SLF1: variants seen among roughly 807,000 people sequenced by gnomAD.
SLF1 encodes SMC5/6 complex localization factor 1.
A neutral mutation model predicts 123.0 loss-of-function variants in SLF1; 105 were observed. That is an observed-to-expected ratio of 0.85 (90% CI 0.73 to 1.00). SLF1 has a LOEUF of 1.00. Ranked by LOEUF, SLF1 falls within the 50% of genes least tolerant of loss-of-function variation. SLF1 has a pLI of 0.00. For missense variants in SLF1, 1,239 were observed against 1,223.0 expected (o/e 1.01, Z -0.20); for synonymous variants, 434 against 406.6 (o/e 1.07, Z -0.81).
chr5:94,681,910 G>A (rs1751824823), intron 15 of SLF1, among the ~76,000 whole-genome samples: 1 of 152,080 alleles, frequency 6.6e-6, no homozygotes, highest in Admixed American at 6.6e-5. Flanking sequence ...CCAGCCTGGG[G>A]GACAGAGTGA....
At chr5:94,670,062 A>G in intron 12 of SLF1, 89 bp from the exon 13 acceptor site, 4 of 1,236,258 alleles carry the variant, frequency 3.2e-6, no homozygotes, top group Non-Finnish European at 4.3e-6. Flanking sequence ...TTAAAATTCC[A>G]GCAGTATTCT....
intron 20 of SLF1, among the ~76,000 whole-genome samples, chr5:94,692,552 T>G (rs566387179): frequency 1.1e-4 from 16 of 152,276 alleles, no homozygotes; most frequent in African/African-American, 1.4e-4. Context: ...ATCTTTTTCC[T>G]TCAGGTGTGT....
At chr5:94,679,428 TA>T (rs113399947) in intron 15 of SLF1, among the ~76,000 whole-genome samples, 11,226 of 146,068 alleles carry the variant, frequency 0.077, 463 homozygotes, top group South Asian at 0.12. Context: ...ACTCTGTCTT[TA>T]AAAAAAAATT....
In SLF1 at chr5:94,665,804, G is replaced by A. The variant is rs115288968; in HGVS notation, c.1369-57G>A. On this transcript the variant is annotated intron_variant, in intron 11 of 20. Coordinates refer to ENST00000265140, the MANE Select transcript of SLF1 (RefSeq NM_032290.4). ...TGTTTTGGTTTTAGACTGAATTAGA[G>A]AGTCAAACTACTTTTAGCTATAGTG... is the stretch of plus-strand genomic sequence containing the variant. 4,886 of 1,425,648 alleles carry A rather than the reference G, an allele frequency of 3.4e-3. 99 individuals are homozygous for A. The African/African-American group carries it at 0.055, about 16-fold the overall frequency. The allele number at this position is 1,425,648 out of a possible 1,614,324, so 88.3% of individuals were successfully genotyped here.
Position 94,654,731 on chromosome 5 carries a change from GA to G in SLF1, c.1136del (p.Lys379SerfsTer16). On this transcript the variant is annotated frameshift_variant, in exon 9 of 21. Transcript: ENST00000265140. LOFTEE classifies it high-confidence loss of function. ...DVVEIKNTLR[K>X]HIYRAQAVRY... ...TTGTTGAAATAAAAAATACCTTAAG[GA>G]AGCACATATATAGAGCTCAGGTAAA... 1 of 1,538,218 alleles carries G rather than the reference GA, an allele frequency of 6.5e-7. No individual in the cohort carries two copies. Among genetic ancestry groups the G allele is most frequent in the African/African-American group, 1.4e-5 (1 of 72,658 alleles).
At chr5:94,658,153 G>T (rs1439253043) in intron 9 of SLF1, among the ~76,000 whole-genome samples, 1 of 139,446 alleles carries the variant, frequency 7.2e-6, no homozygotes, top group East Asian at 2.2e-4. Flanking sequence ...TTGCAGTTGG[G>T]TGTTTTTTGT....
Position 94,688,649 on chromosome 5 carries a change from C to T in SLF1, c.2265C>T (p.Val755=), listed in dbSNP as rs772728803. 1.6e-5 allele frequency: 26 copies of T among 1,613,778 alleles called. No individual in the cohort carries two copies. The East Asian group carries it at 2.2e-4, about 14-fold the overall frequency. ...LMLNGTKQKQ[V]EGLPELLDLN... is the part of the protein sequence containing the mutation. ...TGAATGGTACTAAACAAAAACAAGTCGAAGGGCTGCCAGAGTTACTGTAAG... is the reference window on the plus strand; with the variant it reads ...TGAATGGTACTAAACAAAAACAAGTTGAAGGGCTGCCAGAGTTACTGTAAG... The change falls in exon 17 of 21, where the codon GTC becomes GTT. Residue 755 remains valine (V), a synonymous_variant. Transcript: ENST00000265140.
intron 1 of SLF1, among the ~76,000 whole-genome samples, chr5:94,619,552 A>G (rs1269347102): frequency 6.6e-6 from 1 of 152,172 alleles, no homozygotes; most frequent in Non-Finnish European, 1.5e-5. Context: ...CAGGAGTTAG[A>G]TGGAGCTTGA....
intron 4 of SLF1, among the ~76,000 whole-genome samples, chr5:94,632,823 C>T (rs1487840083): frequency 6.6e-6 from 1 of 151,702 alleles, no homozygotes; most frequent in African/African-American, 2.4e-5. Context: ...GCCTCAGCCT[C>T]CTGAGTAGCT....
intron 1 of SLF1, among the ~76,000 whole-genome samples, chr5:94,619,060 C>T (rs896945126): frequency 6.6e-6 from 1 of 152,112 alleles, no homozygotes; most frequent in Non-Finnish European, 1.5e-5. Flanking sequence ...CTGGGCTGAG[C>T]CACTTCCCCC....
chr5:94,653,181 A>C, intron 7 of SLF1, 91 bp from the exon 8 acceptor site: 1 of 1,240,268 alleles, frequency 8.1e-7, no homozygotes, highest in East Asian at 2.8e-5. Flanking sequence ...TTTAATGTGT[A>C]TGAAAGTATG....
intron 9 of SLF1, among the ~76,000 whole-genome samples, chr5:94,661,163 A>G (rs902727192): frequency 1.3e-5 from 2 of 152,162 alleles, no homozygotes; most frequent in Admixed American, 1.3e-4. Context: ...GAATAATGCC[A>G]TTGAGTGGAC....
intron 15 of SLF1, among the ~76,000 whole-genome samples, chr5:94,684,494 T>G (rs564158079): frequency 1.3e-4 from 20 of 151,746 alleles, no homozygotes; most frequent in African/African-American, 3.1e-4. Flanking sequence ...GTCAGGAGAT[T>G]GAGACCATCC....
intron 6 of SLF1, among the ~76,000 whole-genome samples, chr5:94,650,852 A>T (rs1030237960): frequency 6.6e-6 from 1 of 152,182 alleles, no homozygotes; most frequent in Non-Finnish European, 1.5e-5. Context: ...ACCACAGTGT[A>T]TAGCATTTTT....
In SLF1 at chr5:94,630,690, A is replaced by T. The variant is rs530780571; in HGVS notation, c.378A>T (p.Arg126Ser). ...KRTGAPGAFHRWKVVLLVRTD... is the reference protein window; with the variant it reads ...KRTGAPGAFHSWKVVLLVRTD... Reference sequence around the variant, plus strand: ...CTGGTGCTCCAGGAGCCTTCCACAGATGGAAAGTTGTCCTCCTTGTTAGAA... The same window carrying T: ...CTGGTGCTCCAGGAGCCTTCCACAGTTGGAAAGTTGTCCTCCTTGTTAGAA... Residue 126 changes from arginine (R) to serine (S), a missense_variant, in exon 4 of 21, where the codon AGA becomes AGT. Physicochemically the swap from Arg to Ser is moderately radical, Grantham distance 110. Transcript: ENST00000265140. 1 of 1,551,580 alleles carries T rather than the reference A, an allele frequency of 6.4e-7. No individual in the cohort carries two copies. The highest frequency in any genetic ancestry group is 8.7e-7 in the Non-Finnish European group (1 of 1,146,982).
rs1260740033 is a variant in SLF1 at position 94,627,600 on chromosome 5, A to ATATG, written c.1-1208_1-1207insGTAT. Among the ~76,000 whole-genome samples, 22 of 125,856 alleles carry ATATG rather than the reference A, an allele frequency of 1.7e-4. 2 individuals carry two copies. The highest frequency in any genetic ancestry group is 6.6e-4 in the African/African-American group (22 of 33,326). 82.6% of individuals were successfully genotyped at this position (125,856 alleles called of 152,430 possible). On this transcript the variant is annotated intron_variant, in intron 1 of 20. Coordinates refer to ENST00000265140, the MANE Select transcript of SLF1 (RefSeq NM_032290.4). ...ATGAAATTAACATATATATATATAT[A>ATATG]TATATATATATATATATATAGCAAA...
chr5:94,637,224 GTTTAGTGA>G, intron 4 of SLF1, among the ~76,000 whole-genome samples: 1 of 152,134 alleles, frequency 6.6e-6, no homozygotes, highest in Non-Finnish European at 1.5e-5. Flanking sequence ...GAATTTCACT[GTTTAGTGA>G]TCACTGGGAG....
chr5:94,646,065 A>G (rs996513380), intron 5 of SLF1, among the ~76,000 whole-genome samples: 1 of 152,188 alleles, frequency 6.6e-6, no homozygotes, highest in Admixed American at 6.5e-5. Flanking sequence ...AGCCTAAGCA[A>G]CGTAGCGAGA....
intron 8 of SLF1, 62 bp from the exon 9 acceptor site, chr5:94,654,568 T>C: frequency 1.5e-6 from 2 of 1,323,774 alleles, no homozygotes; most frequent in African/African-American, 1.5e-5. Flanking sequence ...CTTTGTGATA[T>C]CATCTGTGTT....
Sources: allele counts gnomAD v4.1 joint callset (sites outside exome capture counted in the v4.1 genomes callset), GRCh38; gene constraint gnomAD v4.1.1; transcripts MANE v1.5; gene names NCBI Gene and HGNC (gene_info 2026-07-23, HGNC 2026-07-21).